Variants in MTMR12 observed in about 807,000 individuals in gnomAD.
MTMR12 encodes the protein myotubularin-related protein 12.
MTMR12 carries 33 observed loss-of-function variants against 96.7 expected under a neutral mutation model. The ratio of observed to expected loss-of-function variants is 0.34; its 90% CI spans 0.26 to 0.46. The LOEUF (loss-of-function observed/expected upper bound fraction) is 0.46, where lower values mean the gene tolerates loss of function less well. Among genes scored for constraint, MTMR12 ranks in the 20% least tolerant of loss-of-function variants. MTMR12 has a pLI of 1.00. For synonymous variants in MTMR12, 298 were observed against 327.2 expected (o/e 0.91, Z 0.96); for missense variants, 721 against 896.1 (o/e 0.80, Z 2.49).
chr5:32,245,122 G>A lies in MTMR12; in HGVS notation c.1022-1523C>T, dbSNP rs537680323. ...ACAATCTCAGCTCACTGCAACCTCT[G>A]CCTCCCGGGTTCAAGCGATTCTTCT... is the stretch of plus-strand genomic sequence containing the variant. On this transcript the variant is annotated intron_variant, in intron 10 of 15. Transcript: ENST00000382142. Among the ~76,000 whole-genome samples the A allele has an allele frequency of 2.3e-4, 35 of 152,238 alleles. 1 individual carries two copies. The highest frequency in any genetic ancestry group is 4.6e-4 in the Admixed American group (7 of 15,294).
At chr5:32,295,775 G>T (rs1340938873) in intron 1 of MTMR12, among the ~76,000 whole-genome samples, 2 of 152,146 alleles carry the variant, frequency 1.3e-5, no homozygotes, top group Admixed American at 1.3e-4. Flanking sequence ...CAGGTTCACA[G>T]AACTAAATAG....
intron 1 of MTMR12, among the ~76,000 whole-genome samples, chr5:32,307,349 C>T (rs768858754): frequency 5.3e-5 from 8 of 152,074 alleles, no homozygotes; most frequent in Non-Finnish European, 1.0e-4. Flanking sequence ...CCCAGCAGGT[C>T]CCCCGACAGA....
At chr5:32,294,084 G>A (rs1488642378) in intron 1 of MTMR12, among the ~76,000 whole-genome samples, 4 of 152,052 alleles carry the variant, frequency 2.6e-5, no homozygotes, top group African/African-American at 2.4e-5. Context: ...ACTGCCAGTC[G>A]CACTGCCTCC....
rs549974788 is a variant in MTMR12 at position 32,247,833 on chromosome 5, A to G, written c.1021+169T>C. The G allele has an allele frequency of 3.5e-4, 339 of 979,236 alleles. No individual in the cohort carries two copies. In the African/African-American group the frequency reaches 5.7e-3, roughly 16 times the overall value. The allele number at this position is 979,236 out of a possible 1,614,324, so 60.7% of individuals were successfully genotyped here. On this transcript the variant is annotated intron_variant, in intron 10 of 15. Transcript: ENST00000382142. ...GGAGGGAAAGCCTGGAGAGAGATGG[A>G]GAGGGAAGTGTGGTAATGGCAGCCA...
chr5:32,275,954 G>A (rs1446160208), intron 2 of MTMR12, among the ~76,000 whole-genome samples: 2 of 152,048 alleles, frequency 1.3e-5, no homozygotes, highest in African/African-American at 2.4e-5. Flanking sequence ...ACAGAATAAA[G>A]CCTGTATTGT....
At position 32,228,597 on chromosome 5, in the gene MTMR12, T is replaced by TG. The variant is rs754773771; in HGVS notation, c.*1180_*1181insC. 1.3e-5 allele frequency: 1 copy of TG among 79,402 alleles called. No homozygotes were observed. Among genetic ancestry groups the TG allele is most frequent in the South Asian group, 5.0e-4 (1 of 1,998 alleles). The allele number at this position is 79,402 out of a possible 1,614,324, so 4.9% of individuals were successfully genotyped here. On this transcript the variant is annotated 3_prime_UTR_variant, in exon 16 of 16. Transcript: ENST00000382142. ...ATATATATCATATATATGTGATATA[T>TG]ATATATATATCATATATATGATATA... is the stretch of plus-strand genomic sequence containing the variant.
intron 9 of MTMR12, 63 bp downstream of exon 9, chr5:32,248,709 G>T: frequency 1.6e-6 from 2 of 1,259,220 alleles, no homozygotes; most frequent in South Asian, 1.2e-5. Context: ...ACTACTAAGA[G>T]CTGTTCCCTG....
At chr5:32,307,144 T>C (rs1171474868) in intron 1 of MTMR12, among the ~76,000 whole-genome samples, 1 of 152,230 alleles carries the variant, frequency 6.6e-6, no homozygotes, top group Non-Finnish European at 1.5e-5. Context: ...CTGCTTGAAG[T>C]GTACAGAATA....
chr5:32,262,325 G>A (rs1212166055), intron 7 of MTMR12, among the ~76,000 whole-genome samples: 2 of 152,146 alleles, frequency 1.3e-5, no homozygotes, highest in Non-Finnish European at 2.9e-5. Context: ...TCATGGCCAG[G>A]CATGATGGCT....
At chr5:32,310,333 G>GGAGTGCAGA (rs1751527427) in intron 1 of MTMR12, among the ~76,000 whole-genome samples, 1 of 152,092 alleles carries the variant, frequency 6.6e-6, no homozygotes, top group Admixed American at 6.5e-5. Flanking sequence ...TCAGTACATG[G>GGAGTGCAGA]AAGAGAAATC....
chr5:32,242,375 T>C (rs1239949842), intron 11 of MTMR12, among the ~76,000 whole-genome samples: 1 of 152,196 alleles, frequency 6.6e-6, no homozygotes, highest in African/African-American at 2.4e-5. Flanking sequence ...AAAATGCTCC[T>C]AGGTAATTTC....
chr5:32,289,322 G>C (rs1374532371), intron 1 of MTMR12, among the ~76,000 whole-genome samples: 1 of 152,202 alleles, frequency 6.6e-6, no homozygotes, highest in African/African-American at 2.4e-5. Context: ...TATAAAAACA[G>C]AGAATCACGG....
At chr5:32,287,293 T>C (rs1400487174) in intron 1 of MTMR12, among the ~76,000 whole-genome samples, 5 of 152,170 alleles carry the variant, frequency 3.3e-5, no homozygotes, top group Admixed American at 3.3e-4. Flanking sequence ...CTTAATCTGG[T>C]GGACCAATCT....
chr5:32,252,867 G>A (rs571757473), intron 8 of MTMR12, among the ~76,000 whole-genome samples: 2 of 152,302 alleles, frequency 1.3e-5, no homozygotes, highest in East Asian at 3.9e-4. Flanking sequence ...CAGAGAATAA[G>A]TGTAAATATG....
chr5:32,312,635 C>T lies in MTMR12; in HGVS notation c.81+123G>A. ...CTGCGGCCTCAGCCCGCCTGGCTGC[C>T]CCGTCGCCCGGCACAAGGGCAGGAA... On this transcript the variant is annotated intron_variant, in intron 1 of 15. Transcript: ENST00000382142. The surrounding 1 kb of genome is among the most constrained non-coding windows in gnomAD (Gnocchi z 5.0). 1.1e-6 allele frequency: 1 copy of T among 921,358 alleles called. No homozygotes were observed. The highest frequency in any genetic ancestry group is 4.6e-5 in the South Asian group (1 of 21,890). The allele number at this position is 921,358 out of a possible 1,614,324, so 57.1% of individuals were successfully genotyped here. A position where few individuals can be genotyped will look rare whatever the true frequency, so the allele number is the denominator to read the frequency against.
chr5:32,275,361 G>A (rs4078204), intron 2 of MTMR12, among the ~76,000 whole-genome samples: 4,841 of 152,240 alleles, frequency 0.032, 270 homozygotes, highest in African/African-American at 0.11. Flanking sequence ...GTCCATGGGG[G>A]AAGACATGTA....
chr5:32,257,254 A>G (rs1749175792), intron 7 of MTMR12, among the ~76,000 whole-genome samples: 1 of 152,212 alleles, frequency 6.6e-6, no homozygotes, highest in African/African-American at 2.4e-5. Flanking sequence ...CAGGAATTCA[A>G]GGCTGCAATG....
chr5:32,257,082 C>A (rs555199370), intron 7 of MTMR12, among the ~76,000 whole-genome samples: 2 of 152,158 alleles, frequency 1.3e-5, no homozygotes, highest in East Asian at 3.9e-4. Flanking sequence ...AATCCCAACA[C>A]TTTGGGGGGC....
intron 1 of MTMR12, among the ~76,000 whole-genome samples, chr5:32,289,314 T>C (rs1383610046): frequency 2.6e-5 from 4 of 152,188 alleles, no homozygotes; most frequent in African/African-American, 7.2e-5. Context: ...GTTTGAATTA[T>C]AAAAACAGAG....
Sources: allele counts gnomAD v4.1 joint callset (sites outside exome capture counted in the v4.1 genomes callset), GRCh38; gene constraint gnomAD v4.1.1; non-coding constraint Gnocchi (gnomAD v3.1); transcripts MANE v1.5; gene names NCBI Gene and HGNC (gene_info 2026-07-23, HGNC 2026-07-21).